MON2: variants seen among roughly 807,000 people sequenced by gnomAD.
MON2 encodes the protein MON2 regulator of endosome-to-Golgi trafficking, also known as protein MON2 homolog.
Under a neutral mutation model 208.6 loss-of-function variants are expected in MON2, and 84 were observed. That is an observed-to-expected ratio of 0.40 (90% CI 0.34 to 0.48). The LOEUF (loss-of-function observed/expected upper bound fraction) is 0.48. MON2 is among the 20% of genes least tolerant of loss of function. The pLI, the probability that MON2 is intolerant of heterozygous loss-of-function variation, is 0.59. For missense variants in MON2, 1,611 were observed against 2,015.4 expected (o/e 0.80, Z 3.84); for synonymous variants, 660 against 694.0 (o/e 0.95, Z 0.77).
chr12:62,490,035 G>T, intron 2 of MON2: 1 of 1,204,438 alleles, frequency 8.3e-7, no homozygotes. Flanking sequence ...TTTTTTTCCA[G>T]GATAAAAACT....
chr12:62,515,936 T>C (rs1205119041), intron 8 of MON2, among the ~76,000 whole-genome samples: 1 of 152,200 alleles, frequency 6.6e-6, no homozygotes, highest in African/African-American at 2.4e-5. Context: ...CACAATTAAA[T>C]ATTTTTTAAT....
At position 62,532,582 on chromosome 12, in the gene MON2, A is replaced by G. The variant is rs765312965; in HGVS notation, c.1545A>G (p.Gln515=). ...TAGGAGAGCTTGAAACAGAATGTCA[A>G]ACCACCACTGAAGAAGGTTCTTCAC... ...GELGELETEC[Q]TTTEEGSSPT... The change falls in exon 12 of 35, where the codon CAA becomes CAG. Residue 515 remains glutamine, a synonymous_variant. Transcript: ENST00000393630. 26 of 1,614,036 alleles carry G rather than the reference A, an allele frequency of 1.6e-5. No individual in the cohort carries two copies. The highest frequency in any genetic ancestry group is 8.3e-5 in the Admixed American group (5 of 60,004).
At chr12:62,568,636 G>A (rs2074473724) in intron 29 of MON2, among the ~76,000 whole-genome samples, 1 of 152,050 alleles carries the variant, frequency 6.6e-6, no homozygotes, top group South Asian at 2.1e-4. Context: ...ACTGTGCCTG[G>A]CCTCAGTTTA....
At chr12:62,507,339 A>G (rs1439524717) in intron 7 of MON2, among the ~76,000 whole-genome samples, 3 of 140,768 alleles carry the variant, frequency 2.1e-5, no homozygotes, top group Non-Finnish European at 4.6e-5. Context: ...TGTGTGAGAT[A>G]GGGTCTTGCT....
chr12:62,529,230 A>T (rs1202032603), intron 11 of MON2, among the ~76,000 whole-genome samples: 2 of 152,208 alleles, frequency 1.3e-5, no homozygotes, highest in Non-Finnish European at 2.9e-5. Context: ...AAGAGTTGAC[A>T]CATTAGTGGT....
In MON2 at chr12:62,598,450, C is replaced by T. The variant is rs1329349945; in HGVS notation, c.*5701C>T. On this transcript the variant is annotated 3_prime_UTR_variant, in exon 35 of 35. Coordinates refer to ENST00000393630, the MANE Select transcript of MON2 (RefSeq NM_015026.3). ...CTAGATGGAGAAAAATACTCCATACCTATATTGCAATTTTATTTTTATCTA... is the reference window on the plus strand; with the variant it reads ...CTAGATGGAGAAAAATACTCCATACTTATATTGCAATTTTATTTTTATCTA... The T allele has an allele frequency of 6.6e-6, 1 of 151,998 alleles. No homozygotes were observed. Among genetic ancestry groups the T allele is most frequent in the Non-Finnish European group, 1.5e-5 (1 of 67,984 alleles). 9.4% of individuals were successfully genotyped at this position (151,998 alleles called of 1,614,324 possible).
intron 30 of MON2, among the ~76,000 whole-genome samples, chr12:62,577,283 G>A (rs1329020139): frequency 6.6e-6 from 1 of 151,918 alleles, no homozygotes; most frequent in African/African-American, 2.4e-5. Context: ...AGTTAGCTTA[G>A]GACTTGGACA....
intron 8 of MON2, among the ~76,000 whole-genome samples, chr12:62,512,748 C>T (rs2071477838): frequency 1.3e-5 from 2 of 152,240 alleles, no homozygotes; most frequent in Admixed American, 6.5e-5. Flanking sequence ...TCTGACCTCA[C>T]ATTTCCCTTC....
At chr12:62,468,442 A>G (rs2068619957) in intron 1 of MON2, among the ~76,000 whole-genome samples, 2 of 152,310 alleles carry the variant, frequency 1.3e-5, no homozygotes, top group African/African-American at 4.8e-5. Context: ...ACTTATTTAA[A>G]TATATCTTTA....
rs941456654 is a variant in MON2, at chr12:62,543,166, C to T, written c.2434C>T (p.Leu812=). ...GLVNMHRIEI[L]WRPLTGHLLE... is the part of the protein sequence containing the mutation. ...AGTTAATATGCACCGAATAGAAATT[C>T]TGTGGAGACCTCTGACTGGCCATCT... is the stretch of plus-strand genomic sequence containing the variant. The change falls in exon 20 of 35, where the codon CTG becomes TTG. Residue 812 remains leucine, a synonymous_variant. Coordinates refer to ENST00000393630, the MANE Select transcript of MON2 (RefSeq NM_015026.3). The T allele has an allele frequency of 1.3e-6, 2 of 1,565,624 alleles. No individual in the cohort carries two copies. The highest frequency in any genetic ancestry group is 2.5e-5 in the South Asian group (2 of 80,002).
At chr12:62,556,260 A>G in intron 25 of MON2, 68 bp downstream of exon 25, 1 of 1,383,204 alleles carries the variant, frequency 7.2e-7, no homozygotes, top group Non-Finnish European at 1.0e-6. Context: ...AATACAGACG[A>G]TTCTTTTAGA....
At chr12:62,504,965 A>G (rs2071026275) in intron 7 of MON2, among the ~76,000 whole-genome samples, 1 of 152,230 alleles carries the variant, frequency 6.6e-6, no homozygotes, top group Admixed American at 6.5e-5. Flanking sequence ...GATTAAGAGT[A>G]GTTAGGAGAT....
At chr12:62,512,555 C>T (rs977562698) in intron 8 of MON2, among the ~76,000 whole-genome samples, 1 of 152,196 alleles carries the variant, frequency 6.6e-6, no homozygotes, top group Non-Finnish European at 1.5e-5. Flanking sequence ...CAGCTCCACT[C>T]CTGTGGCTTT....
Position 62,526,028 on chromosome 12 carries a change from A to G in MON2, c.1326A>G (p.Leu442=), listed in dbSNP as rs546961164. ...GGATTGGTGGAGGTGTTACTTTGCTACCAGCATTTGAATATAGGGGAACCT... is the reference window on the plus strand; with the variant it reads ...GGATTGGTGGAGGTGTTACTTTGCTGCCAGCATTTGAATATAGGGGAACCT... ...MVGIGGGVTL[L]PAFEYRGTWI... is the part of the protein sequence containing the mutation. Residue 442 remains leucine, a synonymous_variant, in exon 11 of 35, where the codon CTA becomes CTG. Coordinates refer to ENST00000393630, the MANE Select transcript of MON2 (RefSeq NM_015026.3). 29 of 1,613,940 alleles carry G rather than the reference A, an allele frequency of 1.8e-5. No individual in the cohort carries two copies. Among genetic ancestry groups the G allele is most frequent in the South Asian group, 1.8e-4 (16 of 91,078 alleles).
intron 8 of MON2, among the ~76,000 whole-genome samples, chr12:62,523,563 T>A (rs564910225): frequency 2.6e-4 from 39 of 152,316 alleles, no homozygotes; most frequent in African/African-American, 9.4e-4. Flanking sequence ...GTCCTTTTTT[T>A]AAGCATCCAG....
intron 25 of MON2, among the ~76,000 whole-genome samples, chr12:62,557,734 T>C (rs2074021665): frequency 6.6e-6 from 1 of 151,736 alleles, no homozygotes; most frequent in Non-Finnish European, 1.5e-5. Context: ...TTCCAAAAAC[T>C]ATTTATGGTG....
Position 62,579,446 on chromosome 12 carries a change from G to A in MON2, c.4576-851G>A, listed in dbSNP as rs149511199. ...ATTACTTTAAAATATACATTTGGCC[G>A]GGCGCGGTGGCTCACACCTGTAATC... On this transcript the variant is annotated intron_variant, in intron 31 of 34. Coordinates refer to ENST00000393630, the MANE Select transcript of MON2 (RefSeq NM_015026.3). Among the ~76,000 whole-genome samples, 764 of 151,796 alleles carry A rather than the reference G, an allele frequency of 5.0e-3. 9 individuals carry two copies. The highest frequency in any genetic ancestry group is 0.017 in the African/African-American group (723 of 41,356).
At chr12:62,557,931 TATATA>T (rs2074032738) in intron 25 of MON2, among the ~76,000 whole-genome samples, 8 of 36,884 alleles carry the variant, frequency 2.2e-4, no homozygotes, top group African/African-American at 8.6e-4. Context: ...AATAGATTTA[TATATA>T]TATATATATA....
intron 32 of MON2, among the ~76,000 whole-genome samples, 169 bp from the exon 33 acceptor site, chr12:62,585,119 AAAAAAC>A (rs2075176676): frequency 2.2e-5 from 3 of 133,818 alleles, no homozygotes; most frequent in Admixed American, 7.6e-5. Flanking sequence ...ACAAAACAAA[AAAAAAC>A]AAAAAAAAAA....
Sources: gnomAD v4.1 joint callset for allele counts (sites outside exome capture counted in the v4.1 genomes callset) on GRCh38, gnomAD v4.1.1 for gene constraint, MANE v1.5 for transcripts, NCBI Gene and HGNC (gene_info 2026-07-23, HGNC 2026-07-21) for gene names.